Variants in AGAP1 observed in about 807,000 individuals in gnomAD.
AGAP1 encodes the protein ArfGAP with GTPase domain, ankyrin repeat and PH domain 1, also known as arf-GAP with GTPase, ANK repeat and PH domain-containing protein 1.
In AGAP1, 29 loss-of-function variants were observed where a neutral mutation model predicts 105.3. That is an observed-to-expected ratio of 0.28 (90% confidence interval 0.21 to 0.38). AGAP1 has a LOEUF of 0.38. Among genes scored for constraint, AGAP1 ranks in the 10% least tolerant of loss-of-function variants. AGAP1 has a pLI of 1.00. For missense variants in AGAP1, 998 were observed against 1,165.1 expected (o/e 0.86, Z 2.09); for synonymous variants, 509 against 485.9 (o/e 1.05, Z -0.63).
chr2:235,619,416 G>A (rs1368412036), intron 1 of AGAP1, among the ~76,000 whole-genome samples: 1 of 150,812 alleles, frequency 6.6e-6, no homozygotes, highest in African/African-American at 2.4e-5. Context: ...TGGGGCTGAA[G>A]TAGGGGAGCT....
rs1289735984 is a variant in AGAP1, at chr2:235,963,178, C to G, written c.1484-5284C>G. ...TGAGTCCGGGATTTCTCGGACTCAC[C>G]AAGAGAATTATAAATATTGCAAGAT... is the stretch of plus-strand genomic sequence containing the variant. On this transcript the variant is annotated intron_variant, in intron 12 of 17. Transcript: ENST00000304032. The surrounding 1 kb of genome is among the most constrained non-coding windows in gnomAD (Gnocchi z 5.1). Among the ~76,000 whole-genome samples the G allele has an allele frequency of 1.3e-5, 2 of 151,916 alleles. No homozygotes were observed. The highest frequency in any genetic ancestry group is 2.1e-4 in the South Asian group (1 of 4,818).
rs1398434256 is a variant in AGAP1 at position 235,865,083 on chromosome 2, A to G, written c.1051-18262A>G. Among the ~76,000 whole-genome samples, 2 of 152,200 alleles carry G rather than the reference A, an allele frequency of 1.3e-5. No homozygotes were observed. Among genetic ancestry groups the G allele is most frequent in the African/African-American group, 4.8e-5 (2 of 41,458 alleles). The stretch of plus-strand genomic sequence containing the variant: ...TGGATTCTGTGTCCATCATTATTAA[A>G]ATGTGAAGTGTGTCGGTCACAAAGC... On this transcript the variant is annotated intron_variant, in intron 9 of 17. Transcript: ENST00000304032. The surrounding 1 kb of genome is among the most constrained non-coding windows in gnomAD (Gnocchi z 6.2).
chr2:235,579,431 C>T (rs183083228), intron 1 of AGAP1, among the ~76,000 whole-genome samples: 27 of 152,178 alleles, frequency 1.8e-4, no homozygotes, highest in South Asian at 8.3e-4. Context: ...TTGTTGTTGT[C>T]GTTAAAAAAT....
At chr2:235,991,114 C>T (rs1015509825) in intron 13 of AGAP1, among the ~76,000 whole-genome samples, 1 of 152,194 alleles carries the variant, frequency 6.6e-6, no homozygotes, top group Non-Finnish European at 1.5e-5. Flanking sequence ...GTGCTATATG[C>T]TTATGTTCTA....
chr2:235,680,077 G>T (rs1217388318), intron 1 of AGAP1, among the ~76,000 whole-genome samples: 1 of 152,246 alleles, frequency 6.6e-6, no homozygotes, highest in African/African-American at 2.4e-5. Context: ...TAGTGGTTGA[G>T]CTAGCAAGTA....
Position 235,958,443 on chromosome 2 carries a change from C to T in AGAP1, c.1484-10019C>T, listed in dbSNP as rs534244106. 7.8e-4 allele frequency among the ~76,000 whole-genome samples: 119 copies of T among 152,172 alleles called. 1 individual carries two copies. Among genetic ancestry groups the T allele is most frequent in the African/African-American group, 2.7e-3 (111 of 41,526 alleles). On this transcript the variant is annotated intron_variant, in intron 12 of 17. Transcript: ENST00000304032. This position sits in a 1 kb window ranked among gnomAD's most constrained non-coding sequence, Gnocchi z 4.1. ...CCCAGCGGACACATTTAGAGACCCT[C>T]GGGAGCGCGAGGGATATGAGAATCA...
intron 6 of AGAP1, among the ~76,000 whole-genome samples, chr2:235,781,788 T>C (rs1048717014): frequency 4.6e-5 from 7 of 152,108 alleles, no homozygotes. Context: ...CCATCACCAG[T>C]TGGCTTTTTT....
At chr2:235,602,982 G>T (rs760102329) in intron 1 of AGAP1, among the ~76,000 whole-genome samples, 2 of 152,154 alleles carry the variant, frequency 1.3e-5, no homozygotes, top group Admixed American at 1.3e-4. Flanking sequence ...GATTGCAGGC[G>T]TGAGCCACCG....
At chr2:235,542,617 C>G (rs1266852750) in intron 1 of AGAP1, among the ~76,000 whole-genome samples, 1 of 151,172 alleles carries the variant, frequency 6.6e-6, no homozygotes, top group African/African-American at 2.5e-5. Context: ...CAAAATGATA[C>G]ATATTTTACA....
rs2106344752 is a variant in AGAP1 at position 235,831,774 on chromosome 2, T to G, written c.1050+24443T>G. On this transcript the variant is annotated intron_variant, in intron 9 of 17. Transcript: ENST00000304032. ...ATGATTAATGCTGCTAATACACATT[T>G]GGGTGCAGGTTTTTGTGTGGACCTA... Among the ~76,000 whole-genome samples the G allele has an allele frequency of 1.3e-5, 2 of 152,342 alleles. 1 individual carries two copies. Among genetic ancestry groups the G allele is most frequent in the South Asian group, 4.1e-4 (2 of 4,826 alleles).
chr2:235,634,851 C>G (rs113534655), intron 1 of AGAP1, among the ~76,000 whole-genome samples: 3 of 152,284 alleles, frequency 2.0e-5, no homozygotes, highest in African/African-American at 7.2e-5. Flanking sequence ...GAAGGAGGCT[C>G]TGTTTTGTTC....
Position 235,872,945 on chromosome 2 carries a change from CG to C in AGAP1, c.1051-10398del, listed in dbSNP as rs143089527. On this transcript the variant is annotated intron_variant, in intron 9 of 17. Coordinates refer to ENST00000304032, the MANE Select transcript of AGAP1 (RefSeq NM_001037131.3). The surrounding 1 kb of genome is among the most constrained non-coding windows in gnomAD (Gnocchi z 4.5). The stretch of plus-strand genomic sequence containing the variant: ...CAATGGGGCTTTTGTGGTGGCTCCA[CG>C]GTCCCTGAAAGTCCCCACTGGCTCA... 0.016 allele frequency among the ~76,000 whole-genome samples: 2,432 copies of C among 152,274 alleles called. 66 individuals are homozygous for C. Among genetic ancestry groups the C allele is most frequent in the African/African-American group, 0.054 (2,263 of 41,552 alleles).
chr2:235,611,468 C>G lies in AGAP1; in HGVS notation c.164-97711C>G, dbSNP rs539214738. Among the ~76,000 whole-genome samples, 1 of 152,306 alleles carries G rather than the reference C, an allele frequency of 6.6e-6. No homozygotes were observed. The highest frequency in any genetic ancestry group is 2.4e-5 in the African/African-American group (1 of 41,564). ...TGGAGGAGTGGTTTGTCTGCAGTTG[C>G]ACACATCTGTGATAACATGGGGTGG... On this transcript the variant is annotated intron_variant, in intron 1 of 17. Transcript: ENST00000304032. This position sits in a 1 kb window ranked among gnomAD's most constrained non-coding sequence, Gnocchi z 5.0.
At chr2:236,098,267 G>A (rs902087437) in intron 16 of AGAP1, among the ~76,000 whole-genome samples, 1 of 152,086 alleles carries the variant, frequency 6.6e-6, no homozygotes, top group Non-Finnish European at 1.5e-5. Flanking sequence ...TTCAGATTCT[G>A]AACGTTTTAT....
At chr2:236,015,927 C>T (rs1041874994) in intron 13 of AGAP1, among the ~76,000 whole-genome samples, 1 of 152,210 alleles carries the variant, frequency 6.6e-6, no homozygotes, top group East Asian at 1.9e-4. Context: ...ACAAGTCCCT[C>T]TCTTCACATC....
intron 9 of AGAP1, among the ~76,000 whole-genome samples, chr2:235,854,926 A>G (rs972993732): frequency 7.0e-6 from 1 of 142,142 alleles, no homozygotes; most frequent in Admixed American, 7.0e-5. Context: ...GGAGCCCAGG[A>G]CGTTTGGTCA....
intron 9 of AGAP1, among the ~76,000 whole-genome samples, chr2:235,859,405 C>CCCCCCCCCG (rs1553652486): frequency 1.3e-5 from 1 of 74,972 alleles, no homozygotes; most frequent in Non-Finnish European, 2.8e-5. Flanking sequence ...CCCCCCCCCC[C>CCCCCCCCCG]CCGCCTTTTG....
chr2:235,878,378 C>T, intron 9 of AGAP1, among the ~76,000 whole-genome samples: 1 of 152,158 alleles, frequency 6.6e-6, no homozygotes, highest in Non-Finnish European at 1.5e-5. Context: ...CACGTGGGAC[C>T]CTCCAGCCCT....
intron 1 of AGAP1, among the ~76,000 whole-genome samples, chr2:235,512,435 G>A (rs1348272275): frequency 2.0e-5 from 3 of 151,970 alleles, no homozygotes; most frequent in African/African-American, 2.4e-5. Context: ...CCATCTCTAC[G>A]AAAAAACAAA....
Sources: gnomAD v4.1 joint callset for allele counts (sites outside exome capture counted in the v4.1 genomes callset) on GRCh38, gnomAD v4.1.1 for gene constraint, Gnocchi (gnomAD v3.1) non-coding constraint, MANE v1.5 for transcripts, NCBI Gene and HGNC (gene_info 2026-07-23, HGNC 2026-07-21) for gene names.